The following XKR9 variants were observed in gnomAD, a reference collection of about 807,000 sequenced individuals.
XKR9 encodes XK related 9, also known as XK-related protein 9.
In XKR9, 32 loss-of-function variants were observed where a neutral mutation model predicts 32.0. That is an observed-to-expected ratio of 1.00 (90% CI 0.76 to 1.34). The LOEUF is 1.34. XKR9 is among the 40% of genes most tolerant of loss of function. XKR9 has a pLI of 0.00. For synonymous variants in XKR9, 168 were observed against 143.4 expected (o/e 1.17, Z -1.22); for missense variants, 546 against 429.7 (o/e 1.27, Z -2.39).
chr8:70,823,218 T>C, the XKR9 span, among the ~76,000 whole-genome samples: 1 of 152,222 alleles, frequency 6.6e-6, no homozygotes, highest in African/African-American at 2.4e-5. Context: ...TACTGTAACT[T>C]AGATATCTGA....
At chr8:70,945,826 G>C in the XKR9 span, among the ~76,000 whole-genome samples, 1 of 152,140 alleles carries the variant, frequency 6.6e-6, no homozygotes, top group Admixed American at 6.5e-5. Context: ...TTGACTTACA[G>C]ACTTACTACC....
chr8:70,831,631 A>G, the XKR9 span, among the ~76,000 whole-genome samples: 2 of 152,068 alleles, frequency 1.3e-5, no homozygotes, highest in African/African-American at 4.8e-5. Context: ...TCACAATTCT[A>G]TCATTTTTTT....
At chr8:70,740,732 T>A (rs1806957246), downstream of XKR9, among the ~76,000 whole-genome samples, 1 of 152,248 alleles carries the variant, frequency 6.6e-6, no homozygotes. Context: ...AGAGGTCCAC[T>A]CCAGACCCTG....
At chr8:70,677,865 C>G (rs1255541414) in intron 2 of XKR9, among the ~76,000 whole-genome samples, 2 of 152,166 alleles carry the variant, frequency 1.3e-5, no homozygotes, top group Non-Finnish European at 2.9e-5. Flanking sequence ...ACTATTACTA[C>G]CATCTATTCT....
At chr8:70,765,177 C>T (rs1460943159) in intron 2 of XKR9, among the ~76,000 whole-genome samples, 1 of 152,164 alleles carries the variant, frequency 6.6e-6, no homozygotes, top group African/African-American at 2.4e-5. Flanking sequence ...CATTGTCTTC[C>T]ACAATGGTTG....
At chr8:70,694,485 C>T (rs1032019461) in intron 3 of XKR9, among the ~76,000 whole-genome samples, 5 of 152,052 alleles carry the variant, frequency 3.3e-5, no homozygotes, top group Admixed American at 1.3e-4. Flanking sequence ...TCCTGCCCAG[C>T]GAAAAAGAAT....
chr8:70,804,045 G>A, the XKR9 span, among the ~76,000 whole-genome samples: 2 of 152,250 alleles, frequency 1.3e-5, no homozygotes, highest in African/African-American at 2.4e-5. Flanking sequence ...TGCTCTATGG[G>A]CTACAAGCTC....
chr8:70,985,523 T>A, the XKR9 span, among the ~76,000 whole-genome samples: 2 of 152,208 alleles, frequency 1.3e-5, no homozygotes, highest in Admixed American at 1.3e-4. Context: ...GTTTTTATTA[T>A]CATAAACAAG....
chr8:70,904,489 C>T, the XKR9 span, among the ~76,000 whole-genome samples: 1 of 152,096 alleles, frequency 6.6e-6, no homozygotes, highest in Non-Finnish European at 1.5e-5. Flanking sequence ...CTTCCTCCAT[C>T]CCTTTATTTT....
At chr8:70,840,376 AT>A in the XKR9 span, among the ~76,000 whole-genome samples, 2 of 151,810 alleles carry the variant, frequency 1.3e-5, no homozygotes, top group East Asian at 1.9e-4. Context: ...CTGACCTTAT[AT>A]TTTTTTCTCA....
At chr8:70,888,692 A>C in the XKR9 span, among the ~76,000 whole-genome samples, 1 of 152,004 alleles carries the variant, frequency 6.6e-6, no homozygotes, top group African/African-American at 2.4e-5. Context: ...TTTTCCCAGC[A>C]CTATTTTTTG....
chr8:70,925,330 C>T, the XKR9 span, among the ~76,000 whole-genome samples: 121 of 151,878 alleles, frequency 8.0e-4, 1 homozygote, highest in Admixed American at 2.1e-3. Flanking sequence ...GAATAAAGAA[C>T]GAATAGATGG....
At chr8:70,769,955 C>T (rs1807431587) in intron 2 of XKR9, among the ~76,000 whole-genome samples, 1 of 152,100 alleles carries the variant, frequency 6.6e-6, no homozygotes, top group Non-Finnish European at 1.5e-5. Flanking sequence ...TCGTCAAACT[C>T]ATTCTCCATC....
At chr8:70,965,598 G>T in the XKR9 span, among the ~76,000 whole-genome samples, 1 of 152,054 alleles carries the variant, frequency 6.6e-6, no homozygotes. Context: ...TTGTTTGGTT[G>T]ATAGGCTGTT....
At chr8:70,859,151 A>G in the XKR9 span, among the ~76,000 whole-genome samples, 38 of 152,274 alleles carry the variant, frequency 2.5e-4, no homozygotes, top group African/African-American at 8.9e-4. Flanking sequence ...AAACAACTCA[A>G]TAGCAAAAAA....
the XKR9 span, among the ~76,000 whole-genome samples, chr8:70,883,716 C>A: frequency 6.6e-6 from 1 of 152,010 alleles, no homozygotes; most frequent in Non-Finnish European, 1.5e-5. Flanking sequence ...GGCTTCATAG[C>A]CTAGTTTTAA....
intron 2 of XKR9, among the ~76,000 whole-genome samples, chr8:70,766,874 G>T (rs1161215895): frequency 6.6e-6 from 1 of 152,110 alleles, no homozygotes. Context: ...TTTGTCATTG[G>T]TTCTGTTTAT....
chr8:70,933,790 T>C, the XKR9 span, among the ~76,000 whole-genome samples: 1 of 152,070 alleles, frequency 6.6e-6, no homozygotes, highest in Admixed American at 6.6e-5. Flanking sequence ...CTGCTCTACA[T>C]CCACACAAGA....
At chr8:71,003,933 T>C in the XKR9 span, among the ~76,000 whole-genome samples, 95 of 152,272 alleles carry the variant, frequency 6.2e-4, no homozygotes, top group African/African-American at 2.1e-3. Context: ...GCATGAGCTT[T>C]GTGTGGAGGA....
Sources: gnomAD v4.1 joint callset for allele counts (sites outside exome capture counted in the v4.1 genomes callset) on GRCh38, gnomAD v4.1.1 for gene constraint, MANE v1.5 for transcripts, NCBI Gene and HGNC (gene_info 2026-07-23, HGNC 2026-07-21) for gene names.